Variants in ANKS1B observed in about 807,000 individuals in gnomAD.
ANKS1B encodes the protein ankyrin repeat and sterile alpha motif domain containing 1B.
ANKS1B carries 36 observed loss-of-function variants against 148.3 expected under a neutral mutation model. That is an observed-to-expected ratio of 0.24 (90% CI 0.19 to 0.32). ANKS1B has a LOEUF of 0.32. Ranked by LOEUF, ANKS1B falls within the 10% of genes least tolerant of loss-of-function variation. ANKS1B has a pLI of 1.00. For synonymous variants in ANKS1B, 542 were observed against 560.8 expected (o/e 0.97, Z 0.47); for missense variants, 1,157 against 1,542.6 (o/e 0.75, Z 4.19).
chr12:99,711,129 AAACT>A (rs1435839064), intron 8 of ANKS1B, among the ~76,000 whole-genome samples: 3 of 152,148 alleles, frequency 2.0e-5, no homozygotes, highest in Admixed American at 2.0e-4. Flanking sequence ...ACTAAGAACA[AAACT>A]AACATCATTA....
chr12:99,799,069 C>T (rs552082714), intron 4 of ANKS1B, among the ~76,000 whole-genome samples: 2 of 152,222 alleles, frequency 1.3e-5, no homozygotes, highest in Admixed American at 6.6e-5. Flanking sequence ...TTATTCCACG[C>T]TTTATGAAAA....
At chr12:99,116,575 T>G (rs2061477215) in intron 15 of ANKS1B, among the ~76,000 whole-genome samples, 1 of 152,156 alleles carries the variant, frequency 6.6e-6, no homozygotes, top group Non-Finnish European at 1.5e-5. Flanking sequence ...GGACCTGTCT[T>G]TTTCGTTATC....
chr12:99,667,732 AT>A lies in ANKS1B; in HGVS notation c.1129-12523del, dbSNP rs2098516494. 2.0e-5 allele frequency among the ~76,000 whole-genome samples: 3 copies of A among 152,182 alleles called. No homozygotes were observed. In the South Asian group the frequency reaches 6.2e-4, roughly 32 times the overall value. On this transcript the variant is annotated intron_variant, in intron 8 of 26. Transcript: ENST00000683438. ...GGCTTTTTATTATAAGGTTGAGCAA[AT>A]TATTCCTATTCTCAGTTTACTAAAA...
intron 12 of ANKS1B, among the ~76,000 whole-genome samples, chr12:99,268,912 C>G (rs2172281): frequency 6.6e-6 from 1 of 152,068 alleles, no homozygotes; most frequent in Non-Finnish European, 1.5e-5. Context: ...AGTTCTGTCT[C>G]TGGAATAAAA....
At chr12:99,892,033 T>G (rs899250824) in intron 1 of ANKS1B, among the ~76,000 whole-genome samples, 2 of 152,198 alleles carry the variant, frequency 1.3e-5, no homozygotes, top group African/African-American at 4.8e-5. Flanking sequence ...AGATGCAGTC[T>G]CGCTCTGTCA....
Position 99,896,881 on chromosome 12 carries a change from T to G in ANKS1B, c.135-71492A>C, listed in dbSNP as rs532363477. On this transcript the variant is annotated intron_variant, in intron 1 of 26. Transcript: ENST00000683438. ...ACTCATAATTAGTGCAAAACTAGTCTGTTAACTAGGCAACCCCTGAGGCTT... is the reference window on the plus strand; with the variant it reads ...ACTCATAATTAGTGCAAAACTAGTCGGTTAACTAGGCAACCCCTGAGGCTT... Among the ~76,000 whole-genome samples the G allele has an allele frequency of 2.0e-3, 298 of 151,466 alleles. 13 individuals are homozygous for G. Among genetic ancestry groups the G allele is most frequent in the Non-Finnish European group, 3.6e-3 (246 of 67,556 alleles).
chr12:99,454,976 A>G (rs2095821431), intron 10 of ANKS1B, among the ~76,000 whole-genome samples: 1 of 152,098 alleles, frequency 6.6e-6, no homozygotes, highest in African/African-American at 2.4e-5. Context: ...ATTTTGCATC[A>G]CATCAGTAAT....
At chr12:99,967,381 G>C (rs2153835613) in intron 1 of ANKS1B, among the ~76,000 whole-genome samples, 1 of 152,246 alleles carries the variant, frequency 6.6e-6, no homozygotes, top group South Asian at 2.1e-4. Flanking sequence ...CAGTTGCAGA[G>C]TCTGCATTCA....
chr12:99,649,832 T>C (rs2098406458), intron 9 of ANKS1B: 1 of 155,672 alleles, frequency 6.4e-6, no homozygotes, highest in South Asian at 1.9e-4. Context: ...AAAGGCTGAC[T>C]CTCTGCTACT....
intron 8 of ANKS1B, among the ~76,000 whole-genome samples, chr12:99,710,796 A>C (rs1193912661): frequency 6.6e-6 from 1 of 152,154 alleles, no homozygotes; most frequent in Non-Finnish European, 1.5e-5. Flanking sequence ...TAGACCCAAA[A>C]CAACCTGAGA....
chr12:98,782,082 A>C (rs772574139), intron 23 of ANKS1B, 44 bp downstream of exon 23: 1 of 1,544,498 alleles, frequency 6.5e-7, no homozygotes, highest in East Asian at 2.3e-5. Flanking sequence ...ATTGCCCTCT[A>C]TATATACTAG....
chr12:99,903,240 G>A (rs780725268), intron 1 of ANKS1B, among the ~76,000 whole-genome samples: 2 of 152,134 alleles, frequency 1.3e-5, no homozygotes, highest in Non-Finnish European at 2.9e-5. Context: ...ACCCAGCTAG[G>A]GCATTGGACA....
Position 99,727,209 on chromosome 12 carries a change from T to C in ANKS1B, c.1128+45713A>G, listed in dbSNP as rs2058702682. 2.6e-5 allele frequency among the ~76,000 whole-genome samples: 4 copies of C among 152,238 alleles called. No homozygotes were observed. The South Asian group carries it at 8.3e-4, about 32-fold the overall frequency. ...GAGAGGAAGTCATATTGTCCCTTTT[T>C]GCAGATGACATGATTCTACATTTAG... On this transcript the variant is annotated intron_variant, in intron 8 of 26. Coordinates refer to ENST00000683438, the MANE Select transcript of ANKS1B (RefSeq NM_001352186.2).
Position 99,400,418 on chromosome 12 carries a change from T to C in ANKS1B, c.1576-607A>G, listed in dbSNP as rs181147906. On this transcript the variant is annotated intron_variant, in intron 11 of 26. Coordinates refer to ENST00000683438, the MANE Select transcript of ANKS1B (RefSeq NM_001352186.2). ...TGATTTTCTTTTTTAAGAATTTTAA[T>C]TAATCCCCAAATAGCAAGAAAAGTC... is the stretch of plus-strand genomic sequence containing the variant. 5.3e-4 allele frequency among the ~76,000 whole-genome samples: 78 copies of C among 145,932 alleles called. 10 individuals are homozygous for C. The highest frequency in any genetic ancestry group is 1.9e-3 in the African/African-American group (75 of 38,616).
At chr12:98,927,422 A>G (rs1260855326) in intron 17 of ANKS1B, among the ~76,000 whole-genome samples, 1 of 152,132 alleles carries the variant, frequency 6.6e-6, no homozygotes, top group Non-Finnish European at 1.5e-5. Context: ...GAGTACCAGT[A>G]CAAGTAACTG....
At chr12:99,067,595 TAACAGTGCAC>T (rs1357243793) in intron 16 of ANKS1B, among the ~76,000 whole-genome samples, 1 of 152,154 alleles carries the variant, frequency 6.6e-6, no homozygotes, top group African/African-American at 2.4e-5. Context: ...GTAGTCTAGT[TAACAGTGCAC>T]ATGTGACAGG....
intron 17 of ANKS1B, among the ~76,000 whole-genome samples, chr12:99,041,529 A>G (rs1358121574): frequency 6.6e-6 from 1 of 152,146 alleles, no homozygotes; most frequent in Non-Finnish European, 1.5e-5. Flanking sequence ...CCAGTTTTCC[A>G]TACATTTAGG....
chr12:99,176,867 C>T (rs1043224045), intron 14 of ANKS1B, among the ~76,000 whole-genome samples: 2 of 152,156 alleles, frequency 1.3e-5, no homozygotes, highest in Admixed American at 6.5e-5. Context: ...CAGCACCCTG[C>T]TTCCTGTACA....
intron 12 of ANKS1B, among the ~76,000 whole-genome samples, chr12:99,339,740 G>A (rs1489344554): frequency 6.6e-6 from 1 of 151,986 alleles, no homozygotes; most frequent in East Asian, 1.9e-4. Context: ...TTGAATTCTG[G>A]TTTTCAGGCG....
Sources: gnomAD v4.1 joint callset for allele counts (sites outside exome capture counted in the v4.1 genomes callset) on GRCh38, gnomAD v4.1.1 for gene constraint, MANE v1.5 for transcripts, NCBI Gene and HGNC (gene_info 2026-07-23, HGNC 2026-07-21) for gene names.